Variants in CCNY observed in about 807,000 individuals in gnomAD.
The protein encoded by CCNY is cyclin-Y.
In CCNY, 19 loss-of-function variants were observed where a neutral mutation model predicts 42.8. That is an observed-to-expected ratio of 0.44 (90% CI 0.31 to 0.65). CCNY has a LOEUF of 0.65. CCNY is among the 30% of genes least tolerant of loss of function. CCNY has a pLI of 0.07. For missense variants in CCNY, 370 were observed against 437.3 expected (o/e 0.85, Z 1.37); for synonymous variants, 165 against 162.7 (o/e 1.01, Z -0.11).
chr10:35,412,896 C>T (rs1024588647), intron 1 of CCNY, among the ~76,000 whole-genome samples: 9 of 137,072 alleles, frequency 6.6e-5, no homozygotes, highest in South Asian at 2.3e-4. Context: ...AAAGAATTTG[C>T]GCGGCGGGCA....
rs1467446413 is a variant in CCNY, at chr10:35,497,535, C to T, written c.230-3966C>T. Among the ~76,000 whole-genome samples the T allele has an allele frequency of 5.3e-5, 8 of 152,028 alleles. No individual in the cohort carries two copies. In the East Asian group the frequency reaches 7.8e-4, roughly 15 times the overall value. On this transcript the variant is annotated intron_variant, in intron 2 of 9. Coordinates refer to ENST00000374704, the MANE Select transcript of CCNY (RefSeq NM_145012.6). Reference sequence around the variant, plus strand: ...GGTGGATCACTTGAGGTGAGGAGTTCGAGACCAGCCTGGCCAACATGGCAA... The same window carrying T: ...GGTGGATCACTTGAGGTGAGGAGTTTGAGACCAGCCTGGCCAACATGGCAA...
At chr10:35,377,180 C>G (rs1465294530) in intron 1 of CCNY, among the ~76,000 whole-genome samples, 6 of 152,040 alleles carry the variant, frequency 3.9e-5, no homozygotes, top group Admixed American at 2.6e-4. Context: ...TTAGTGTAGC[C>G]TAAGTGTACA....
chr10:35,478,699 T>C (rs1428731608), intron 1 of CCNY, among the ~76,000 whole-genome samples: 2 of 152,172 alleles, frequency 1.3e-5, no homozygotes, highest in Admixed American at 6.5e-5. Flanking sequence ...GAAGAAAACC[T>C]AGGCAATACC....
At chr10:35,452,307 T>G (rs1210795315) in intron 1 of CCNY, among the ~76,000 whole-genome samples, 1 of 152,198 alleles carries the variant, frequency 6.6e-6, no homozygotes, top group Non-Finnish European at 1.5e-5. Flanking sequence ...TAAGACTGTT[T>G]GTTGGTCTCT....
At chr10:35,491,737 C>A (rs1486415609) in intron 2 of CCNY, among the ~76,000 whole-genome samples, 1 of 152,048 alleles carries the variant, frequency 6.6e-6, no homozygotes, top group Non-Finnish European at 1.5e-5. Context: ...CCTCAGCCTC[C>A]CGAGTAGCTG....
chr10:35,251,556 A>G (rs1230512058), intron 3 of CCNY, among the ~76,000 whole-genome samples: 1 of 151,362 alleles, frequency 6.6e-6, no homozygotes, highest in Non-Finnish European at 1.5e-5. Context: ...ATACTTAACC[A>G]AACTTTCCCT....
intron 9 of CCNY, 163 bp downstream of exon 9, chr10:35,566,348 G>T (rs1333589952): frequency 2.6e-6 from 2 of 764,578 alleles, no homozygotes; most frequent in Non-Finnish European, 4.0e-6. Context: ...GATTTGTTCT[G>T]CTTCTTTTTT....
chr10:35,476,778 C>G (rs1225566594), intron 1 of CCNY, among the ~76,000 whole-genome samples: 2 of 151,516 alleles, frequency 1.3e-5, no homozygotes, highest in East Asian at 1.9e-4. Flanking sequence ...CAAGAAATAA[C>G]TAAAATCAGA....
rs191044844 is a variant in CCNY at position 35,491,821 on chromosome 10, G to A, written c.229+8343G>A. On this transcript the variant is annotated intron_variant, in intron 2 of 9. Coordinates refer to ENST00000374704, the MANE Select transcript of CCNY (RefSeq NM_145012.6). ...GTAGAGATGGGGTTTCACCATGTTA[G>A]CCAGGATGGTCTCGATCTCCTGACC... Among the ~76,000 whole-genome samples the A allele has an allele frequency of 2.6e-3, 393 of 149,466 alleles. 1 individual carries two copies. Among genetic ancestry groups the A allele is most frequent in the Non-Finnish European group, 4.4e-3 (297 of 67,636 alleles).
chr10:35,476,264 C>T (rs545577708), intron 1 of CCNY, among the ~76,000 whole-genome samples: 11 of 152,270 alleles, frequency 7.2e-5, no homozygotes, highest in South Asian at 2.1e-4. Flanking sequence ...GAATTGAACT[C>T]GGCTCTGCAC....
intron 1 of CCNY, among the ~76,000 whole-genome samples, chr10:35,411,642 G>A (rs1467142366): frequency 1.3e-5 from 2 of 150,262 alleles, no homozygotes. Flanking sequence ...CCTCAGTATT[G>A]TTTGAGACAA....
intron 1 of CCNY, among the ~76,000 whole-genome samples, chr10:35,372,992 C>G (rs1836972101): frequency 6.6e-6 from 1 of 152,228 alleles, no homozygotes; most frequent in African/African-American, 2.4e-5. Flanking sequence ...GGCACCATGC[C>G]TGGCCAGTTG....
intron 1 of CCNY, among the ~76,000 whole-genome samples, chr10:35,391,991 A>G (rs1039798040): frequency 6.6e-6 from 1 of 152,172 alleles, no homozygotes; most frequent in African/African-American, 2.4e-5. Context: ...ATTTATTCCT[A>G]TAACATTTAT....
intron 3 of CCNY, among the ~76,000 whole-genome samples, chr10:35,511,898 A>G (rs1379964406): frequency 2.6e-5 from 4 of 152,260 alleles, no homozygotes; most frequent in Admixed American, 2.0e-4. Context: ...GGAGAACGTC[A>G]GAACCATCTA....
chr10:35,496,553 A>G (rs573420598), intron 2 of CCNY, among the ~76,000 whole-genome samples: 1 of 152,282 alleles, frequency 6.6e-6, no homozygotes, highest in East Asian at 1.9e-4. Flanking sequence ...GAGGAGAGTC[A>G]GGTGCGGTGG....
At chr10:35,307,768 G>A (rs1028681564) in intron 3 of CCNY, among the ~76,000 whole-genome samples, 876 of 70,606 alleles carry the variant, frequency 0.012, 20 homozygotes, top group East Asian at 0.045. Flanking sequence ...ATATGTGTGT[G>A]TGTGTGTGTG....
intron 7 of CCNY, among the ~76,000 whole-genome samples, chr10:35,535,738 G>A (rs865820783): frequency 4.6e-5 from 7 of 151,962 alleles, no homozygotes; most frequent in African/African-American, 1.5e-4. Flanking sequence ...TTTACCTAGC[G>A]TTTACATTGT....
rs568756199 is a variant in CCNY at position 35,473,845 on chromosome 10, C to T, written c.155-9559C>T. ...TGTCTACAGCTCCCAGCCTGAGCGA[C>T]GCAGAAGACGGGTGATTTCTGCATT... On this transcript the variant is annotated intron_variant, in intron 1 of 9. Transcript: ENST00000374704. Among the ~76,000 whole-genome samples, 192 of 152,226 alleles carry T rather than the reference C, an allele frequency of 1.3e-3. 1 individual carries two copies. The highest frequency in any genetic ancestry group is 4.6e-3 in the African/African-American group (190 of 41,546).
At chr10:35,262,495 A>C (rs1264121586) in intron 3 of CCNY, among the ~76,000 whole-genome samples, 1 of 151,598 alleles carries the variant, frequency 6.6e-6, no homozygotes, top group Non-Finnish European at 1.5e-5. Flanking sequence ...AGTAGCTGGG[A>C]CTACAGGTGC....
Sources: allele counts gnomAD v4.1 joint callset (sites outside exome capture counted in the v4.1 genomes callset), GRCh38; gene constraint gnomAD v4.1.1; transcripts MANE v1.5; gene names NCBI Gene and HGNC (gene_info 2026-07-23, HGNC 2026-07-21).